CDH12: variants seen among roughly 807,000 people sequenced by gnomAD.
The protein encoded by CDH12 is cadherin 12.
CDH12 carries 41 observed loss-of-function variants against 74.1 expected under a neutral mutation model. The ratio of observed to expected loss-of-function variants is 0.55; its 90% CI spans 0.43 to 0.72. The LOEUF (loss-of-function observed/expected upper bound fraction) is 0.72, where lower values mean the gene tolerates loss of function less well. Ranked by LOEUF, CDH12 falls within the 30% of genes least tolerant of loss-of-function variation. CDH12 has a pLI of 0.00. For synonymous variants in CDH12, 399 were observed against 355.0 expected (o/e 1.12, Z -1.39); for missense variants, 945 against 977.2 (o/e 0.97, Z 0.44).
rs549151376 is a variant in CDH12 at position 22,803,349 on chromosome 5, G to A, written c.-523+49709C>T. ...GAATTCAGTAAAATTTCTAAAAAAG[G>A]GACAAGCAAGGAATTTCTTCTCTTT... On this transcript the variant is annotated intron_variant, in intron 1 of 14. Transcript: ENST00000382254. Among the ~76,000 whole-genome samples the A allele has an allele frequency of 9.9e-5, 15 of 152,134 alleles. No individual in the cohort carries two copies. In the East Asian group the frequency reaches 2.7e-3, roughly 27 times the overall value.
intron 4 of CDH12, among the ~76,000 whole-genome samples, chr5:22,114,171 T>C (rs1744962944): frequency 6.6e-6 from 1 of 152,202 alleles, no homozygotes; most frequent in African/African-American, 2.4e-5. Context: ...TCTCAGCTAT[T>C]CTACTTCCTA....
chr5:21,752,257 C>T (rs766001922), intron 14 of CDH12, 21 bp from the exon 15 acceptor site: 1 of 1,557,822 alleles, frequency 6.4e-7, no homozygotes, highest in Non-Finnish European at 8.7e-7. Context: ...ACAAAAATTG[C>T]AATTTGAGAA....
chr5:22,092,750 C>T (rs1318572104), intron 4 of CDH12, among the ~76,000 whole-genome samples: 2 of 152,020 alleles, frequency 1.3e-5, no homozygotes, highest in Non-Finnish European at 2.9e-5. Flanking sequence ...TCTTAGGTAT[C>T]TACCTAAGAG....
At chr5:22,780,385 T>C (rs944272654) in intron 1 of CDH12, among the ~76,000 whole-genome samples, 1 of 152,008 alleles carries the variant, frequency 6.6e-6, no homozygotes, top group Non-Finnish European at 1.5e-5. Flanking sequence ...ATACGTGAGA[T>C]TGGGTAATTT....
chr5:21,847,995 C>T (rs1336440833), intron 7 of CDH12, among the ~76,000 whole-genome samples: 1 of 152,074 alleles, frequency 6.6e-6, no homozygotes, highest in Non-Finnish European at 1.5e-5. Context: ...ATAGTAGGCA[C>T]TCAATAAATA....
intron 4 of CDH12, among the ~76,000 whole-genome samples, chr5:22,086,546 T>C (rs920889712): frequency 3.3e-5 from 5 of 152,006 alleles, no homozygotes; most frequent in African/African-American, 1.2e-4. Context: ...TGTTTGTTTT[T>C]TGCATTTTTA....
chr5:22,071,730 C>T (rs1741953392), intron 5 of CDH12, among the ~76,000 whole-genome samples: 1 of 152,072 alleles, frequency 6.6e-6, no homozygotes, highest in African/African-American at 2.4e-5. Flanking sequence ...ATGTAAATAT[C>T]TATGATATAC....
rs1172824728 is a variant in CDH12, at chr5:22,204,176, GTT to G, written c.-187+8320_-187+8321del. On this transcript the variant is annotated intron_variant, in intron 4 of 14. Transcript: ENST00000382254. Reference sequence around the variant, plus strand: ...TTGTTTTGTTTGTTTTTTTTTTTTTGTTTTTTGTTTTTTTGAGACGGAGTCTC... The same window carrying G: ...TTGTTTTGTTTGTTTTTTTTTTTTTGTTTTGTTTTTTTGAGACGGAGTCTC... Among the ~76,000 whole-genome samples the G allele has an allele frequency of 9.6e-3, 1,336 of 139,696 alleles. 16 individuals carry two copies. The highest frequency in any genetic ancestry group is 0.014 in the Non-Finnish European group (891 of 65,302). 91.6% of individuals were successfully genotyped at this position (139,696 alleles called of 152,430 possible).
chr5:22,468,893 T>A (rs1745845293), intron 2 of CDH12, among the ~76,000 whole-genome samples: 1 of 152,204 alleles, frequency 6.6e-6, no homozygotes, highest in African/African-American at 2.4e-5. Flanking sequence ...GTAATTAGAA[T>A]AATCTCACAT....
At chr5:22,682,333 T>A (rs919844465) in intron 1 of CDH12, among the ~76,000 whole-genome samples, 18 of 152,208 alleles carry the variant, frequency 1.2e-4, no homozygotes, top group African/African-American at 4.1e-4. Flanking sequence ...AAATGAATAG[T>A]GCTAGTAAAA....
At chr5:22,516,021 T>C (rs1350894969) in intron 1 of CDH12, among the ~76,000 whole-genome samples, 2 of 152,090 alleles carry the variant, frequency 1.3e-5, no homozygotes, top group African/African-American at 2.4e-5. Context: ...CATTAAACTG[T>C]TATTTAAAAA....
chr5:22,793,479 A>G (rs1748023772), intron 1 of CDH12, among the ~76,000 whole-genome samples: 1 of 152,226 alleles, frequency 6.6e-6, no homozygotes, highest in African/African-American at 2.4e-5. Context: ...AATGTGCTAG[A>G]ACCCTCTTAG....
intron 1 of CDH12, among the ~76,000 whole-genome samples, chr5:22,602,556 T>C (rs113624111): frequency 6.1e-4 from 93 of 152,182 alleles, no homozygotes; most frequent in Non-Finnish European, 1.1e-3. Context: ...AATGAAACCA[T>C]AAAATTCATG....
chr5:22,744,349 A>G (rs1000005121), intron 1 of CDH12, among the ~76,000 whole-genome samples: 2 of 152,048 alleles, frequency 1.3e-5, no homozygotes, highest in Non-Finnish European at 2.9e-5. Flanking sequence ...GAATGGCATG[A>G]ACCTGGGAGG....
At chr5:22,048,228 T>C (rs1229515571) in intron 5 of CDH12, among the ~76,000 whole-genome samples, 3 of 152,160 alleles carry the variant, frequency 2.0e-5, no homozygotes, top group Non-Finnish European at 4.4e-5. Context: ...ATTGCTTTCA[T>C]TCCTAGAGAC....
chr5:22,295,938 G>T (rs1019709915), intron 3 of CDH12, among the ~76,000 whole-genome samples: 5 of 151,826 alleles, frequency 3.3e-5, no homozygotes, highest in Non-Finnish European at 5.9e-5. Flanking sequence ...AATAAAAATC[G>T]CATCATTTCT....
At chr5:21,802,487 T>C (rs1747175623) in intron 9 of CDH12, 67 bp from the exon 10 acceptor site, 2 of 1,341,426 alleles carry the variant, frequency 1.5e-6, no homozygotes, top group Non-Finnish European at 1.1e-6. Context: ...TGGTGAACAT[T>C]ACTTCAGAGC....
At chr5:21,756,084 T>C (rs1336687948) in intron 13 of CDH12, among the ~76,000 whole-genome samples, 2 of 152,330 alleles carry the variant, frequency 1.3e-5, no homozygotes, top group Non-Finnish European at 1.5e-5. Flanking sequence ...GATTATGGAA[T>C]GCTTTACAAG....
Position 22,796,779 on chromosome 5 carries a change from C to G in CDH12, c.-523+56279G>C, listed in dbSNP as rs897829685. On this transcript the variant is annotated intron_variant, in intron 1 of 14. Coordinates refer to ENST00000382254, the MANE Select transcript of CDH12 (RefSeq NM_004061.5). The stretch of plus-strand genomic sequence containing the variant: ...TCGTGATCCGCCCGCCTCGGCCTCC[C>G]AAAGTGCTGGGATTACAGGCGTGAG... Among the ~76,000 whole-genome samples the G allele has an allele frequency of 2.0e-5, 3 of 150,630 alleles. 1 individual carries two copies. The highest frequency in any genetic ancestry group is 4.4e-5 in the Non-Finnish European group (3 of 67,862).
Sources: allele counts gnomAD v4.1 joint callset (sites outside exome capture counted in the v4.1 genomes callset), GRCh38; gene constraint gnomAD v4.1.1; transcripts MANE v1.5; gene names NCBI Gene and HGNC (gene_info 2026-07-23, HGNC 2026-07-21).